PEPD: variants seen among roughly 807,000 people sequenced by gnomAD.
The protein encoded by PEPD is peptidase D.
In PEPD, 53 loss-of-function variants were observed where a neutral mutation model predicts 60.7. That is an observed-to-expected ratio of 0.87 (90% CI 0.70 to 1.10). The LOEUF is 1.10. PEPD is among the 50% of genes least tolerant of loss of function. PEPD has a pLI of 0.00. For missense variants in PEPD, 711 were observed against 711.9 expected (o/e 1.00, Z 0.01); for synonymous variants, 267 against 284.1 (o/e 0.94, Z 0.60).
chr19:33,477,949 G>C, intron 7 of PEPD, 97 bp downstream of exon 7: 1 of 825,408 alleles, frequency 1.2e-6, no homozygotes, highest in Non-Finnish European at 2.1e-6. Flanking sequence ...TGCTTTCTGA[G>C]GGGCTCTCTG....
Sources: allele counts gnomAD v4.1 joint callset, GRCh38; gene constraint gnomAD v4.1.1; transcripts MANE v1.5; gene names NCBI Gene and HGNC (gene_info 2026-07-23, HGNC 2026-07-21).